SLC35F3: variants seen among roughly 807,000 people sequenced by gnomAD.
SLC35F3 encodes the protein putative thiamine transporter SLC35F3.
Under a neutral mutation model 49.9 loss-of-function variants are expected in SLC35F3, and 25 were observed. That is an observed-to-expected ratio of 0.50 (90% CI 0.37 to 0.70). SLC35F3 has a LOEUF of 0.70. Ranked by LOEUF, SLC35F3 falls within the 30% of genes least tolerant of loss-of-function variation. SLC35F3 has a pLI of 0.00. For missense variants in SLC35F3, 525 were observed against 639.8 expected (o/e 0.82, Z 1.94); for synonymous variants, 275 against 265.4 (o/e 1.04, Z -0.35).
chr1:234,146,584 C>T (rs1034633076), intron 2 of SLC35F3, among the ~76,000 whole-genome samples: 1 of 149,642 alleles, frequency 6.7e-6, no homozygotes, highest in Non-Finnish European at 1.5e-5. Flanking sequence ...CTCCACCTCC[C>T]ACTCACTGCA....
intron 2 of SLC35F3, among the ~76,000 whole-genome samples, chr1:233,979,801 C>A (rs9435534): frequency 0.025 from 3,785 of 152,222 alleles, 97 homozygotes; most frequent in Non-Finnish European, 0.034. Context: ...TGATATGTAG[C>A]CACAGGCATA....
intron 3 of SLC35F3, among the ~76,000 whole-genome samples, chr1:234,300,904 G>A (rs1668682402): frequency 6.6e-6 from 1 of 152,250 alleles, no homozygotes; most frequent in Non-Finnish European, 1.5e-5. Context: ...CCAGGGTACT[G>A]ACCATGAGAA....
intron 2 of SLC35F3, among the ~76,000 whole-genome samples, chr1:233,933,561 G>C (rs946578963): frequency 2.0e-5 from 3 of 152,114 alleles, no homozygotes; most frequent in African/African-American, 7.2e-5. Flanking sequence ...TTCAGGGGTT[G>C]GGAAGTAAGA....
chr1:234,211,697 A>T (rs572271794), intron 2 of SLC35F3, among the ~76,000 whole-genome samples: 3 of 152,348 alleles, frequency 2.0e-5, no homozygotes, highest in African/African-American at 7.2e-5. Context: ...GGAAGTAACT[A>T]ACTTGCTTTT....
At chr1:234,279,729 G>T (rs1398223046) in intron 3 of SLC35F3, among the ~76,000 whole-genome samples, 1 of 152,220 alleles carries the variant, frequency 6.6e-6, no homozygotes, top group East Asian at 1.9e-4. Flanking sequence ...TTACAGGGTG[G>T]GTCTAGAATA....
At chr1:234,188,515 C>T (rs983101228) in intron 2 of SLC35F3, among the ~76,000 whole-genome samples, 1 of 152,104 alleles carries the variant, frequency 6.6e-6, no homozygotes, top group Non-Finnish European at 1.5e-5. Flanking sequence ...TGGAACCACA[C>T]CCCCATTCCC....
chr1:234,323,076 C>A lies in SLC35F3; in HGVS notation c.1306C>A (p.Leu436Met). 1 of 1,614,120 alleles carries A rather than the reference C, an allele frequency of 6.2e-7. No homozygotes were observed. The stretch of plus-strand genomic sequence containing the variant: ...GGTCATCGCCATCATCATCATCGGC[C>A]TGGGTTTTCTCCTCCTGCTCCTGCC... ...VRVIAIIIIG[L>M]GFLLLLLPEE... is the part of the protein sequence containing the mutation. The change falls in exon 8 of 8, where the codon CTG becomes ATG. Residue 436 changes from leucine (L) to methionine (M), a missense_variant. Leu to Met is a conservative substitution (Grantham distance 15, BLOSUM62 2). Coordinates refer to ENST00000366618, the MANE Select transcript of SLC35F3 (RefSeq NM_173508.4). This position sits in a 1 kb window ranked among gnomAD's most constrained non-coding sequence, Gnocchi z 4.5.
chr1:234,040,454 G>A (rs976334195), intron 2 of SLC35F3, among the ~76,000 whole-genome samples: 4 of 152,154 alleles, frequency 2.6e-5, no homozygotes, highest in South Asian at 4.1e-4. Flanking sequence ...CTTGAAGGCC[G>A]GGCTTCACCA....
At chr1:234,286,552 C>A (rs577173864) in intron 3 of SLC35F3, among the ~76,000 whole-genome samples, 2 of 152,212 alleles carry the variant, frequency 1.3e-5, no homozygotes, top group Non-Finnish European at 2.9e-5. Context: ...GATATGACAG[C>A]ATTGTTCTCT....
chr1:234,204,541 A>C (rs1357310860), intron 2 of SLC35F3, among the ~76,000 whole-genome samples: 1 of 152,176 alleles, frequency 6.6e-6, no homozygotes, highest in Non-Finnish European at 1.5e-5. Context: ...AGCCCTGAGG[A>C]GCTCACCTTT....
At chr1:234,111,754 A>T (rs917170305) in intron 2 of SLC35F3, among the ~76,000 whole-genome samples, 3 of 152,270 alleles carry the variant, frequency 2.0e-5, no homozygotes, top group African/African-American at 7.2e-5. Flanking sequence ...TCCCCAGGAC[A>T]GCGGCCTCAG....
chr1:233,917,343 T>G (rs568808995), intron 2 of SLC35F3, among the ~76,000 whole-genome samples: 1 of 152,356 alleles, frequency 6.6e-6, no homozygotes, highest in Admixed American at 6.5e-5. Flanking sequence ...GGGAGATACT[T>G]CAGGAAACTT....
At chr1:233,938,755 T>C (rs1662375144) in intron 2 of SLC35F3, among the ~76,000 whole-genome samples, 2 of 151,442 alleles carry the variant, frequency 1.3e-5, no homozygotes, top group East Asian at 1.9e-4. Context: ...GATGGAAAGA[T>C]GGGTGGATGG....
At chr1:234,233,028 G>T (rs1426555389) in intron 3 of SLC35F3, among the ~76,000 whole-genome samples, 5 of 152,212 alleles carry the variant, frequency 3.3e-5, no homozygotes, top group Admixed American at 3.3e-4. Context: ...TAGTGAAACG[G>T]ATTTGGTGCA....
At chr1:234,267,843 TCA>T (rs1668019362) in intron 3 of SLC35F3, among the ~76,000 whole-genome samples, 1 of 140,704 alleles carries the variant, frequency 7.1e-6, no homozygotes, top group Non-Finnish European at 1.5e-5. Flanking sequence ...GAGGCGCTCC[TCA>T]CATCCCAGAC....
chr1:234,296,339 A>G (rs1668593151), intron 3 of SLC35F3, among the ~76,000 whole-genome samples: 1 of 152,146 alleles, frequency 6.6e-6, no homozygotes, highest in African/African-American at 2.4e-5. Context: ...CTAGTGTGTA[A>G]CCTCACTGGG....
intron 2 of SLC35F3, among the ~76,000 whole-genome samples, chr1:234,107,344 A>C (rs547442816): frequency 6.6e-6 from 1 of 152,224 alleles, no homozygotes; most frequent in Non-Finnish European, 1.5e-5. Flanking sequence ...GTATAATCCC[A>C]TAACAGGGGA....
At chr1:233,998,109 G>A (rs1310768604) in intron 2 of SLC35F3, among the ~76,000 whole-genome samples, 1 of 152,044 alleles carries the variant, frequency 6.6e-6, no homozygotes, top group East Asian at 1.9e-4. Context: ...ATGGATATGT[G>A]TGTATTCATA....
At position 234,099,194 on chromosome 1, in the gene SLC35F3, C is replaced by A. The variant is rs116672740; in HGVS notation, c.284-132223C>A. 5.5e-3 allele frequency among the ~76,000 whole-genome samples: 830 copies of A among 152,192 alleles called. 5 individuals are homozygous for A. The highest frequency in any genetic ancestry group is 0.019 in the African/African-American group (792 of 41,506). ...GAGGTCCAAGTCTGTTATTGGCGTG[C>A]TGAAACTTAAACTACCATAGTTTAC... On this transcript the variant is annotated intron_variant, in intron 2 of 7. Coordinates refer to ENST00000366618, the MANE Select transcript of SLC35F3 (RefSeq NM_173508.4).
Sources: allele counts gnomAD v4.1 joint callset (sites outside exome capture counted in the v4.1 genomes callset), GRCh38; gene constraint gnomAD v4.1.1; non-coding constraint Gnocchi (gnomAD v3.1); transcripts MANE v1.5; gene names NCBI Gene and HGNC (gene_info 2026-07-23, HGNC 2026-07-21).